TTC34: variants seen among roughly 807,000 people sequenced by gnomAD.
The protein encoded by TTC34 is tetratricopeptide repeat domain 34, also known as tetratricopeptide repeat protein 34.
A neutral mutation model predicts 40.7 loss-of-function variants in TTC34; 44 were observed. That is an observed-to-expected ratio of 1.08 (90% CI 0.85 to 1.39). The LOEUF is 1.39. TTC34 is among the 40% of genes most tolerant of loss of function. TTC34 has a pLI of 0.00. For missense variants in TTC34, 884 were observed against 838.0 expected, an observed-to-expected ratio of 1.05 and a Z score of -0.68; for synonymous variants, 422 against 398.6, an observed-to-expected ratio of 1.06 and a Z score of -0.70.
At chr1:2,786,373 A>G (rs1288625071) in intron 4 of TTC34, among the ~76,000 whole-genome samples, 4 of 152,106 alleles carry the variant, frequency 2.6e-5, no homozygotes, top group Non-Finnish European at 4.4e-5. Flanking sequence ...TGGCCATTTG[A>G]GCCTTTGGGG....
At chr1:2,698,828 A>C (rs1013505854) in intron 6 of TTC34, among the ~76,000 whole-genome samples, 1 of 147,928 alleles carries the variant, frequency 6.8e-6, no homozygotes, top group African/African-American at 2.5e-5. Flanking sequence ...AGCATCTCAC[A>C]GCCTGCAACA....
intron 6 of TTC34, among the ~76,000 whole-genome samples, chr1:2,755,220 A>C: frequency 2.0e-5 from 1 of 49,524 alleles, no homozygotes. Context: ...AGCACCTCAC[A>C]CCCCCAGGTG....
chr1:2,780,050 G>C (rs1643456788), intron 6 of TTC34, among the ~76,000 whole-genome samples: 1 of 152,218 alleles, frequency 6.6e-6, no homozygotes, highest in African/African-American at 2.4e-5. Context: ...GGAAGCGGAA[G>C]TTGCAGTGAG....
intron 6 of TTC34, among the ~76,000 whole-genome samples, chr1:2,764,412 G>T (rs1376042376): frequency 6.9e-6 from 1 of 145,902 alleles, no homozygotes; most frequent in South Asian, 2.2e-4. Context: ...GCCTGGAGCA[G>T]CACCCACACC....
chr1:2,788,380 T>C (rs953988350), intron 3 of TTC34, among the ~76,000 whole-genome samples: 3 of 151,774 alleles, frequency 2.0e-5, no homozygotes, highest in African/African-American at 7.3e-5. Context: ...GTGGTGTGTA[T>C]GGTGTGTGTC....
At chr1:2,792,245 C>T (rs117916185) in intron 2 of TTC34, among the ~76,000 whole-genome samples, 2,136 of 151,674 alleles carry the variant, frequency 0.014, 23 homozygotes, top group Admixed American at 0.024. Context: ...GTGATCCTCC[C>T]GCCTCAGCCT....
intron 6 of TTC34, among the ~76,000 whole-genome samples, chr1:2,777,134 C>T (rs547169729): frequency 1.1e-3 from 91 of 84,408 alleles, no homozygotes; most frequent in Non-Finnish European, 1.8e-3. Context: ...CCCACACCCC[C>T]AGGTGAGCAT....
chr1:2,786,127 C>T (rs1643585565), intron 4 of TTC34, 104 bp from the exon 5 acceptor site: 34 of 1,092,174 alleles, frequency 3.1e-5, no homozygotes, highest in Non-Finnish European at 4.1e-5. Context: ...CTCACTGCCC[C>T]AGGGTCCACC....
intron 6 of TTC34, among the ~76,000 whole-genome samples, chr1:2,686,431 GAACCCA>G (rs1640350818): frequency 1.4e-5 from 2 of 140,610 alleles, no homozygotes; most frequent in East Asian, 2.3e-4. Context: ...GCCTGGAACA[GAACCCA>G]CACCCCCAGG....
Position 2,645,116 on chromosome 1 carries a change from G to A in TTC34, c.2497+177C>T, listed in dbSNP as rs1180223895. 2.0e-5 allele frequency among the ~76,000 whole-genome samples: 3 copies of A among 152,200 alleles called. No homozygotes were observed. Among genetic ancestry groups the A allele is most frequent in the African/African-American group, 7.2e-5 (3 of 41,454 alleles). On this transcript the variant is annotated intron_variant, in intron 7 of 8. Coordinates refer to ENST00000401095, the Ensembl canonical transcript of TTC34. This position sits in a 1 kb window ranked among gnomAD's most constrained non-coding sequence, Gnocchi z 4.7. ...TAAAGCAGAGGAGAGCCTTTTGAACGCCAGGCCTCACACAGGGAGCAGGGC... is the reference window on the plus strand; with the variant it reads ...TAAAGCAGAGGAGAGCCTTTTGAACACCAGGCCTCACACAGGGAGCAGGGC...
chr1:2,649,804 G>A (rs1364596833), intron 6 of TTC34, among the ~76,000 whole-genome samples: 2 of 152,050 alleles, frequency 1.3e-5, no homozygotes, highest in Non-Finnish European at 2.9e-5. Flanking sequence ...ACGAGTCATC[G>A]CACCTGGCTG....
chr1:2,787,417 C>T, intron 4 of TTC34, 64 bp downstream of exon 4: 1 of 1,404,362 alleles, frequency 7.1e-7, no homozygotes. Flanking sequence ...CACGGGAGGC[C>T]TGTGCCCTCT....
At chr1:2,749,918 CCCACAACCCCA>C (rs1641261300) in intron 6 of TTC34, among the ~76,000 whole-genome samples, 1 of 113,054 alleles carries the variant, frequency 8.8e-6, no homozygotes, top group Non-Finnish European at 1.7e-5. Flanking sequence ...TGGGTCGGCA[CCCACAACCCCA>C]GGCGAGCATC....
chr1:2,786,236 C>T lies in TTC34; in HGVS notation c.1855-213G>A, dbSNP rs114400917. On this transcript the variant is annotated intron_variant, in intron 4 of 8. Coordinates refer to ENST00000401095, the Ensembl canonical transcript of TTC34. ...ACCCCACCCTCTCTGTGCCAGGGTCCGCCCTGTGCCATCACCCCGATCCTC... is the reference window on the plus strand; with the variant it reads ...ACCCCACCCTCTCTGTGCCAGGGTCTGCCCTGTGCCATCACCCCGATCCTC... Among the ~76,000 whole-genome samples the T allele has an allele frequency of 3.7e-3, 564 of 152,306 alleles. 3 individuals are homozygous for T. The highest frequency in any genetic ancestry group is 6.2e-3 in the Non-Finnish European group (422 of 68,018).
chr1:2,756,845 C>G (rs1342231443), intron 6 of TTC34, among the ~76,000 whole-genome samples: 2,247 of 123,880 alleles, frequency 0.018, 1 homozygote, highest in African/African-American at 0.03. Context: ...GAGCATCTGA[C>G]AGCCTGGGTC....
chr1:2,750,400 C>CCT (rs1331721313), intron 6 of TTC34, among the ~76,000 whole-genome samples: 2 of 67,568 alleles, frequency 3.0e-5, no homozygotes, highest in Admixed American at 1.6e-4. Context: ...GAACAGCACG[C>CCT]ACACCCCCAG....
chr1:2,785,944 T>G, exon 5 of TTC34: 1 of 1,525,958 alleles, frequency 6.6e-7, no homozygotes, highest in Non-Finnish European at 8.8e-7. Context: ...TTGAAGCAGC[T>G]GCCGGTCCTC....
At chr1:2,683,604 C>G (rs1337751785) in intron 6 of TTC34, among the ~76,000 whole-genome samples, 7 of 144,892 alleles carry the variant, frequency 4.8e-5, no homozygotes, top group Admixed American at 6.8e-5. Context: ...CTCAGGCGAG[C>G]ATCTGACATC....
At chr1:2,688,075 C>G (rs1006320749) in intron 6 of TTC34, among the ~76,000 whole-genome samples, 1 of 152,076 alleles carries the variant, frequency 6.6e-6, no homozygotes, top group Non-Finnish European at 1.5e-5. Flanking sequence ...CAGCCTGGAA[C>G]AGCACCCTGC....
Sources: allele counts gnomAD v4.1 joint callset (sites outside exome capture counted in the v4.1 genomes callset), GRCh38; gene constraint gnomAD v4.1.1; non-coding constraint Gnocchi (gnomAD v3.1); transcripts MANE v1.5; gene names NCBI Gene and HGNC (gene_info 2026-07-23, HGNC 2026-07-21).